The following LRRC4C variants were observed in gnomAD, a reference collection of about 807,000 sequenced individuals.
The protein encoded by LRRC4C is leucine-rich repeat-containing protein 4C.
A neutral mutation model predicts 33.6 loss-of-function variants in LRRC4C; 5 were observed. That is an observed-to-expected ratio of 0.15 (90% CI 0.08 to 0.31). LRRC4C has a LOEUF of 0.31. Ranked by LOEUF, LRRC4C falls within the 10% of genes least tolerant of loss-of-function variation. The probability of loss-of-function intolerance (pLI) is 1.00; values close to 1 mark genes in which losing one functional copy is unlikely to be tolerated. For missense variants in LRRC4C, 560 were observed against 796.7 expected, an observed-to-expected ratio of 0.70 and a Z score of 3.58; for synonymous variants, 329 against 302.0, an observed-to-expected ratio of 1.09 and a Z score of -0.93.
intron 1 of LRRC4C, among the ~76,000 whole-genome samples, chr11:41,096,283 G>C (rs1940805501): frequency 6.6e-6 from 1 of 152,090 alleles, no homozygotes; most frequent in Admixed American, 6.6e-5. Context: ...GCAGGTCAAG[G>C]ATAATAATGT....
chr11:40,156,400 G>A (rs1178896173), intron 5 of LRRC4C, among the ~76,000 whole-genome samples: 1 of 152,096 alleles, frequency 6.6e-6, no homozygotes, highest in Non-Finnish European at 1.5e-5. Flanking sequence ...TAAAGAAGAA[G>A]TCAAACTGTC....
intron 1 of LRRC4C, among the ~76,000 whole-genome samples, chr11:41,449,422 T>G (rs1306883726): frequency 1.3e-5 from 2 of 152,172 alleles, no homozygotes. Flanking sequence ...TTTTGTATCT[T>G]CTGTGGCTTC....
chr11:40,348,284 C>A lies in LRRC4C; in HGVS notation c.-269-28563G>T, dbSNP rs569817616. Among the ~76,000 whole-genome samples, 191 of 146,162 alleles carry A rather than the reference C, an allele frequency of 1.3e-3. 5 individuals are homozygous for A. Among genetic ancestry groups the A allele is most frequent in the Admixed American group, 0.012 (176 of 14,620 alleles). On this transcript the variant is annotated intron_variant, in intron 3 of 6. Transcript: ENST00000528697. ...ACCTTCAATTTGTTAAAAAAAAAAA[C>A]CCAAAAAATCTGTGAAGCACAATAA... is the stretch of plus-strand genomic sequence containing the variant.
At chr11:40,543,063 A>G (rs1224403020) in intron 3 of LRRC4C, among the ~76,000 whole-genome samples, 1 of 152,122 alleles carries the variant, frequency 6.6e-6, no homozygotes, top group South Asian at 2.1e-4. Context: ...TTATGATAGG[A>G]TATCTGGCAT....
At chr11:40,459,702 T>C (rs866395275) in intron 3 of LRRC4C, among the ~76,000 whole-genome samples, 1 of 152,218 alleles carries the variant, frequency 6.6e-6, no homozygotes, top group African/African-American at 2.4e-5. Flanking sequence ...ACAAGGGTGA[T>C]GACTCACAAA....
At chr11:40,985,821 G>A (rs1490446605) in intron 1 of LRRC4C, among the ~76,000 whole-genome samples, 1 of 152,122 alleles carries the variant, frequency 6.6e-6, no homozygotes, top group African/African-American at 2.4e-5. Flanking sequence ...TTGACAAGTA[G>A]ATGGATTGTA....
At position 40,388,737 on chromosome 11, in the gene LRRC4C, C is replaced by T. The variant is rs1041753954; in HGVS notation, c.-269-69016G>A. Among the ~76,000 whole-genome samples the T allele has an allele frequency of 8.5e-4, 129 of 152,194 alleles. 1 individual carries two copies. Among genetic ancestry groups the T allele is most frequent in the Non-Finnish European group, 2.5e-4 (17 of 68,036 alleles). On this transcript the variant is annotated intron_variant, in intron 3 of 6. Coordinates refer to ENST00000528697, the MANE Select transcript of LRRC4C (RefSeq NM_001258419.2). ...CCTGAATTGATCCTAGAAAGTTGTACAAATTGGTCAAATAAGTTTAGTGTG... is the reference window on the plus strand; with the variant it reads ...CCTGAATTGATCCTAGAAAGTTGTATAAATTGGTCAAATAAGTTTAGTGTG...
chr11:41,167,147 A>C (rs1182881016), intron 1 of LRRC4C, among the ~76,000 whole-genome samples: 1 of 152,168 alleles, frequency 6.6e-6, no homozygotes, highest in Non-Finnish European at 1.5e-5. Flanking sequence ...ATTTTCTGGA[A>C]AAAAAATAGA....
chr11:40,260,457 T>C lies in LRRC4C; in HGVS notation c.-175-18859A>G, dbSNP rs1262881596. On this transcript the variant is annotated intron_variant, in intron 4 of 6. Coordinates refer to ENST00000528697, the MANE Select transcript of LRRC4C (RefSeq NM_001258419.2). The stretch of plus-strand genomic sequence containing the variant: ...ATTGGGAGATATACCTAATGCTAGA[T>C]GACGAGTTAGTGGGTGCAGCGCACC... Among the ~76,000 whole-genome samples the C allele has an allele frequency of 2.7e-5, 4 of 147,808 alleles. No individual in the cohort carries two copies. The East Asian group carries it at 8.2e-4, about 30-fold the overall frequency.
At chr11:41,008,372 A>T (rs964812231) in intron 1 of LRRC4C, among the ~76,000 whole-genome samples, 4 of 152,118 alleles carry the variant, frequency 2.6e-5, no homozygotes, top group Admixed American at 6.6e-5. Context: ...TTTAACGCCT[A>T]CCACTCTTCC....
chr11:40,734,083 A>G (rs1947737266), intron 2 of LRRC4C, among the ~76,000 whole-genome samples: 1 of 152,182 alleles, frequency 6.6e-6, no homozygotes, highest in South Asian at 2.1e-4. Context: ...AATTGTCAGA[A>G]AACTAAATCT....
intron 2 of LRRC4C, among the ~76,000 whole-genome samples, chr11:40,800,386 G>A (rs942525402): frequency 6.6e-6 from 1 of 152,154 alleles, no homozygotes; most frequent in African/African-American, 2.4e-5. Context: ...TTCAATGGTG[G>A]CCATGGATGA....
chr11:41,265,257 T>G (rs1021619232), intron 1 of LRRC4C, among the ~76,000 whole-genome samples: 4 of 152,092 alleles, frequency 2.6e-5, no homozygotes, highest in African/African-American at 9.7e-5. Context: ...AAGAATGTTA[T>G]TCTGCTCACT....
rs1425100160 is a variant in LRRC4C, at chr11:40,753,515, C to T, written c.-406-105237G>A. Among the ~76,000 whole-genome samples, 5 of 148,266 alleles carry T rather than the reference C, an allele frequency of 3.4e-5. No homozygotes were observed. In the Admixed American group the frequency reaches 3.4e-4, roughly 10 times the overall value. ...AAATGAAAAGTCCCATTTTCATACC[C>T]TGTGCTACTCAGTTCACAGAGGCAC... On this transcript the variant is annotated intron_variant, in intron 2 of 6. Coordinates refer to ENST00000528697, the MANE Select transcript of LRRC4C (RefSeq NM_001258419.2).
At chr11:40,142,277 CAAAAAAAAAAAA>C (rs10577509) in intron 5 of LRRC4C, among the ~76,000 whole-genome samples, 1 of 60,778 alleles carries the variant, frequency 1.6e-5, no homozygotes, top group African/African-American at 6.6e-5. Context: ...GATTCTGTCT[CAAAAAAAAAAAA>C]AAAAAAAAAA....
chr11:40,477,914 G>A (rs1445702775), intron 3 of LRRC4C, among the ~76,000 whole-genome samples: 1 of 151,534 alleles, frequency 6.6e-6, no homozygotes, highest in Non-Finnish European at 1.5e-5. Context: ...TGAATCATGG[G>A]GGCAGGTCTT....
intron 1 of LRRC4C, among the ~76,000 whole-genome samples, chr11:41,238,171 G>A (rs1413110934): frequency 6.6e-6 from 1 of 152,072 alleles, no homozygotes; most frequent in African/African-American, 2.4e-5. Flanking sequence ...GCTCATTAGA[G>A]ATCTTTTCTC....
chr11:40,564,200 G>T (rs549865799), intron 3 of LRRC4C, among the ~76,000 whole-genome samples: 1 of 152,276 alleles, frequency 6.6e-6, no homozygotes, highest in South Asian at 2.1e-4. Context: ...TAGGGAATGG[G>T]CAAATTCACT....
chr11:40,502,399 G>A (rs769057025), intron 3 of LRRC4C, among the ~76,000 whole-genome samples: 1 of 152,134 alleles, frequency 6.6e-6, no homozygotes, highest in Non-Finnish European at 1.5e-5. Context: ...AAGACATACT[G>A]GAGACGGGGA....
Sources: gnomAD v4.1 joint callset for allele counts (sites outside exome capture counted in the v4.1 genomes callset) on GRCh38, gnomAD v4.1.1 for gene constraint, MANE v1.5 for transcripts, NCBI Gene and HGNC (gene_info 2026-07-23, HGNC 2026-07-21) for gene names.